ANO1: variants seen among roughly 807,000 people sequenced by gnomAD.
ANO1 encodes the protein anoctamin 1, also known as anoctamin-1.
ANO1 carries 59 observed loss-of-function variants against 124.0 expected under a neutral mutation model. The ratio of observed to expected loss-of-function variants is 0.48; its 90% CI spans 0.39 to 0.59. The LOEUF (loss-of-function observed/expected upper bound fraction) is 0.59, where lower values mean the gene tolerates loss of function less well. ANO1 is among the 20% of genes least tolerant of loss of function. The pLI, the probability that ANO1 is intolerant of heterozygous loss-of-function variation, is 0.00. For missense variants in ANO1, 1,059 were observed against 1,328.0 expected, an observed-to-expected ratio of 0.80 and a Z score of 3.15; for synonymous variants, 529 against 532.0, an observed-to-expected ratio of 0.99 and a Z score of 0.08.
the ANO1 span, among the ~76,000 whole-genome samples, chr11:69,972,136 A>G: frequency 6.9e-6 from 1 of 145,966 alleles, no homozygotes; most frequent in East Asian, 2.0e-4. Flanking sequence ...GTAGTGAGCC[A>G]AGATCATGCT....
chr11:70,148,941 T>C (rs905824286), intron 11 of ANO1, among the ~76,000 whole-genome samples: 4 of 152,214 alleles, frequency 2.6e-5, no homozygotes, highest in African/African-American at 4.8e-5. Flanking sequence ...GGGGATGATC[T>C]GTGGCTTCCT....
chr11:70,114,460 G>A (rs539211649), intron 7 of ANO1, among the ~76,000 whole-genome samples: 6 of 152,346 alleles, frequency 3.9e-5, no homozygotes, highest in South Asian at 2.1e-4. Context: ...GGCTGGCCTC[G>A]GTGGCCATGG....
At position 70,025,872 on chromosome 11, in the gene ANO1, ATGG is replaced by A. The variant is rs1421287347; in HGVS notation, c.58+39715_58+39717del. Among the ~76,000 whole-genome samples the A allele has an allele frequency of 1.3e-3, 177 of 133,680 alleles. 3 individuals are homozygous for A. The highest frequency in any genetic ancestry group is 8.0e-3 in the Admixed American group (107 of 13,452). 87.7% of individuals were successfully genotyped at this position (133,680 alleles called of 152,430 possible). A position where few individuals can be genotyped will look rare whatever the true frequency, so the allele number is the denominator to read the frequency against. ...GGTGGTGGTGATGGTGATGATGATG[ATGG>A]TGGTGGTGATGATGGTGATGATGAT... On this transcript the variant is annotated intron_variant, in intron 1 of 27. Coordinates refer to the ANO1 transcript ENST00000531349.
At chr11:70,153,245 G>A (rs767400838) in intron 14 of ANO1, 117 bp downstream of exon 14, 37 of 957,570 alleles carry the variant, frequency 3.9e-5, no homozygotes, top group Non-Finnish European at 5.6e-5. Flanking sequence ...CCCGTGTTGC[G>A]GCTGCTCAAC....
At chr11:70,001,990 T>C (rs1348034869) in intron 1 of ANO1, among the ~76,000 whole-genome samples, 2 of 152,094 alleles carry the variant, frequency 1.3e-5, no homozygotes, top group African/African-American at 2.4e-5. Flanking sequence ...ATTACAGCCA[T>C]GTGCTGTAAT....
At chr11:70,072,134 C>T (rs782025819) in intron 1 of ANO1, among the ~76,000 whole-genome samples, 4 of 152,172 alleles carry the variant, frequency 2.6e-5, no homozygotes, top group Non-Finnish European at 5.9e-5. Flanking sequence ...GCGCCAAACC[C>T]AGAGGGCCTT....
chr11:70,057,498 G>A (rs1857467302), intron 1 of ANO1, among the ~76,000 whole-genome samples: 3 of 152,074 alleles, frequency 2.0e-5, no homozygotes, highest in Admixed American at 2.0e-4. Flanking sequence ...CTGGGTGCAG[G>A]CGAGGCAGAC....
At chr11:69,969,437 T>G in the ANO1 span, among the ~76,000 whole-genome samples, 1 of 152,178 alleles carries the variant, frequency 6.6e-6, no homozygotes, top group Admixed American at 6.5e-5. Context: ...CTGGAAGGAC[T>G]GGAGTCAAGC....
chr11:70,095,562 C>T (rs1020838325), intron 2 of ANO1, among the ~76,000 whole-genome samples: 1 of 152,338 alleles, frequency 6.6e-6, no homozygotes, highest in African/African-American at 2.4e-5. Flanking sequence ...GAAATCTTTG[C>T]CATTCTGGCT....
chr11:70,156,066 A>G, intron 15 of ANO1, 78 bp downstream of exon 15: 1 of 1,301,300 alleles, frequency 7.7e-7, no homozygotes, highest in Non-Finnish European at 1.0e-6. Context: ...TTCCTCAACA[A>G]ACTGTTGTAT....
chr11:70,182,834 T>C (rs189625964), intron 24 of ANO1, 148 bp downstream of exon 24: 4 of 828,914 alleles, frequency 4.8e-6, no homozygotes, highest in Middle Eastern at 3.5e-4. Context: ...AAAAGGCTGG[T>C]GCAGTGGCTC....
At chr11:70,143,484 G>A (rs2047233100) in intron 11 of ANO1, among the ~76,000 whole-genome samples, 1 of 152,188 alleles carries the variant, frequency 6.6e-6, no homozygotes, top group Non-Finnish European at 1.5e-5. Context: ...TGGATGGAGG[G>A]ATGGTTGGAG....
chr11:70,172,132 A>AAAAAAGAAAAG (rs111814625), intron 22 of ANO1, among the ~76,000 whole-genome samples: 24 of 141,660 alleles, frequency 1.7e-4, no homozygotes, highest in East Asian at 1.1e-3. Flanking sequence ...AAAAAAAAAA[A>AAAAAAGAAAAG]AAAAGAAAAG....
intron 21 of ANO1, among the ~76,000 whole-genome samples, chr11:70,170,445 A>G (rs1217644111): frequency 6.6e-6 from 1 of 152,166 alleles, no homozygotes; most frequent in Non-Finnish European, 1.5e-5. Flanking sequence ...TACAAAAATT[A>G]AGCAGTCATA....
At chr11:70,183,806 G>A (rs1045945910) in intron 24 of ANO1, among the ~76,000 whole-genome samples, 8 of 152,208 alleles carry the variant, frequency 5.3e-5, no homozygotes, top group Non-Finnish European at 8.8e-5. Context: ...ATCAAGCTCC[G>A]TAGGCAAGGG....
intron 1 of ANO1, among the ~76,000 whole-genome samples, chr11:70,041,419 G>A (rs1373422969): frequency 6.6e-6 from 1 of 152,162 alleles, no homozygotes; most frequent in African/African-American, 2.4e-5. Flanking sequence ...ATTGAGATTG[G>A]AGATTTAAAT....
Position 70,078,491 on chromosome 11 carries a change from A to G in ANO1, c.-116A>G. On this transcript the variant is annotated 5_prime_UTR_variant, in exon 1 of 26. Coordinates refer to ENST00000355303, the MANE Select transcript of ANO1 (RefSeq NM_018043.7). Reference sequence around the variant, plus strand: ...GTCCCCGGCGGGCCTGGGCGCGGGGAGGCCCGGCCCCCTGCGAGCGCGCCG... The same window carrying G: ...GTCCCCGGCGGGCCTGGGCGCGGGGGGGCCCGGCCCCCTGCGAGCGCGCCG... 3.0e-6 allele frequency: 1 copy of G among 328,770 alleles called. No individual in the cohort carries two copies. Among genetic ancestry groups the G allele is most frequent in the Non-Finnish European group, 4.5e-6 (1 of 223,656 alleles). 20.4% of individuals were successfully genotyped at this position (328,770 alleles called of 1,614,324 possible). A position where few individuals can be genotyped will look rare whatever the true frequency, so the allele number is the denominator to read the frequency against.
At chr11:69,995,342 C>A (rs1856249215) in intron 1 of ANO1, among the ~76,000 whole-genome samples, 1 of 152,058 alleles carries the variant, frequency 6.6e-6, no homozygotes, top group Non-Finnish European at 1.5e-5. Flanking sequence ...TGTGATCTAC[C>A]CACCTCAGCC....
chr11:70,132,186 G>C (rs985057797), intron 11 of ANO1, 107 bp downstream of exon 11: 4 of 1,383,174 alleles, frequency 2.9e-6, no homozygotes, highest in Non-Finnish European at 3.9e-6. Flanking sequence ...AGGGGTTGTC[G>C]GGAAAAAACA....
Sources: gnomAD v4.1 joint callset for allele counts (sites outside exome capture counted in the v4.1 genomes callset) on GRCh38, gnomAD v4.1.1 for gene constraint, MANE v1.5 for transcripts, NCBI Gene and HGNC (gene_info 2026-07-23, HGNC 2026-07-21) for gene names.